GRHL2: variants seen among roughly 807,000 people sequenced by gnomAD.
GRHL2 encodes grainyhead-like protein 2 homolog.
A neutral mutation model predicts 83.8 loss-of-function variants in GRHL2; 21 were observed. The observed-to-expected ratio is 0.25, with a 90% CI of 0.18 to 0.36. The LOEUF is 0.36. GRHL2 is among the 10% of genes least tolerant of loss of function. The pLI is 1.00. For missense variants in GRHL2, 623 were observed against 781.8 expected (o/e 0.80, Z 2.42); for synonymous variants, 280 against 278.9 (o/e 1.00, Z -0.04).
chr8:101,655,287 C>T (rs1563629161), intron 14 of GRHL2, among the ~76,000 whole-genome samples: 1 of 152,136 alleles, frequency 6.6e-6, no homozygotes, highest in Non-Finnish European at 1.5e-5. Flanking sequence ...GACTGGGGAA[C>T]TTGACTGACT....
intron 7 of GRHL2, among the ~76,000 whole-genome samples, chr8:101,596,269 A>C (rs949139873): frequency 3.3e-5 from 5 of 152,190 alleles, no homozygotes; most frequent in Non-Finnish European, 7.4e-5. Context: ...CATGTTTTGC[A>C]TATCAATTTG....
chr8:101,671,129 G>C (rs1297609470), downstream of GRHL2, among the ~76,000 whole-genome samples: 2 of 152,188 alleles, frequency 1.3e-5, no homozygotes, highest in African/African-American at 4.8e-5. Context: ...ATTTCCATCT[G>C]AGGTACCGGG....
chr8:101,652,786 T>G (rs906872674), intron 14 of GRHL2, among the ~76,000 whole-genome samples: 1 of 152,142 alleles, frequency 6.6e-6, no homozygotes, highest in Non-Finnish European at 1.5e-5. Flanking sequence ...CTCGTGGGAT[T>G]GTTGTGAGAC....
intron 1 of GRHL2, among the ~76,000 whole-genome samples, chr8:101,523,493 G>A (rs760643270): frequency 6.7e-6 from 1 of 150,078 alleles, no homozygotes; most frequent in Non-Finnish European, 1.5e-5. Flanking sequence ...TTTTTTTTAA[G>A]GGGGGTGGGG....
chr8:101,514,341 A>T (rs1391582291), intron 1 of GRHL2, among the ~76,000 whole-genome samples: 1 of 152,166 alleles, frequency 6.6e-6, no homozygotes, highest in Non-Finnish European at 1.5e-5. Flanking sequence ...ATGCTCCAAG[A>T]AGCAGACACC....
At chr8:101,507,241 A>G (rs1810358915) in intron 1 of GRHL2, among the ~76,000 whole-genome samples, 1 of 20,728 alleles carries the variant, frequency 4.8e-5, no homozygotes, top group South Asian at 1.2e-3. Flanking sequence ...TAATTTCAAG[A>G]TTTAAAAATG....
At chr8:101,578,572 G>T (rs573747167) in intron 7 of GRHL2, among the ~76,000 whole-genome samples, 1 of 152,318 alleles carries the variant, frequency 6.6e-6, no homozygotes, top group East Asian at 1.9e-4. Context: ...AGTAATGTAT[G>T]TGTTTCCAAA....
chr8:101,585,258 C>G (rs1812140677), intron 7 of GRHL2, among the ~76,000 whole-genome samples: 1 of 152,286 alleles, frequency 6.6e-6, no homozygotes, highest in Admixed American at 6.5e-5. Context: ...TTGCTCTCTC[C>G]CTACAGTCTG....
At chr8:101,619,487 T>TG in intron 8 of GRHL2, 52 bp from the exon 9 acceptor site, 1 of 1,553,926 alleles carries the variant, frequency 6.4e-7, no homozygotes, top group Non-Finnish European at 8.9e-7. Flanking sequence ...ATGCGTTTAT[T>TG]GTACATTCTT....
At chr8:101,654,174 G>A (rs914798963) in intron 14 of GRHL2, among the ~76,000 whole-genome samples, 7 of 152,220 alleles carry the variant, frequency 4.6e-5, no homozygotes, top group African/African-American at 1.7e-4. Flanking sequence ...TCCAGGGCCA[G>A]CAGAATTCAC....
intron 1 of GRHL2, among the ~76,000 whole-genome samples, chr8:101,540,617 T>C (rs139814277): frequency 1.9e-3 from 296 of 152,222 alleles, no homozygotes; most frequent in African/African-American, 6.5e-3. Flanking sequence ...CCAATGTCAG[T>C]GTCTTTTTTT....
intron 10 of GRHL2, 143 bp downstream of exon 10, chr8:101,631,867 G>A (rs1210099353): frequency 2.7e-5 from 20 of 743,568 alleles, no homozygotes; most frequent in Non-Finnish European, 4.4e-5. Context: ...GTGGAGACAG[G>A]GTGATTGATT....
chr8:101,534,228 G>A (rs983506705), intron 1 of GRHL2, among the ~76,000 whole-genome samples: 4 of 152,080 alleles, frequency 2.6e-5, no homozygotes, highest in South Asian at 2.1e-4. Context: ...GTGAGGTTCC[G>A]GCTCAGGGTT....
At chr8:101,616,016 C>G (rs1226880405) in intron 8 of GRHL2, among the ~76,000 whole-genome samples, 1 of 151,738 alleles carries the variant, frequency 6.6e-6, no homozygotes, top group African/African-American at 2.4e-5. Context: ...TTTTTTCTTT[C>G]TTTCTTTCTA....
At chr8:101,647,025 T>C (rs1271687200) in intron 13 of GRHL2, among the ~76,000 whole-genome samples, 1 of 152,184 alleles carries the variant, frequency 6.6e-6, no homozygotes, top group East Asian at 1.9e-4. Flanking sequence ...AGCCATATCA[T>C]TTCAAAGACC....
intron 8 of GRHL2, among the ~76,000 whole-genome samples, chr8:101,600,184 G>A (rs1312804386): frequency 1.3e-5 from 2 of 152,212 alleles, no homozygotes. Context: ...GAACAGGCCT[G>A]AGAAAGGCGG....
intron 5 of GRHL2, among the ~76,000 whole-genome samples, chr8:101,571,809 G>T (rs1239303212): frequency 6.6e-6 from 1 of 152,136 alleles, no homozygotes; most frequent in Non-Finnish European, 1.5e-5. Flanking sequence ...GGAAGCGGGA[G>T]GCAAGGAAGA....
At chr8:101,520,399 T>C (rs1372474918) in intron 1 of GRHL2, among the ~76,000 whole-genome samples, 3 of 152,164 alleles carry the variant, frequency 2.0e-5, no homozygotes, top group Admixed American at 2.0e-4. Context: ...AGAAAAGGGC[T>C]ACAGAATCTT....
chr8:101,562,058 ACTACTTCC>A, intron 4 of GRHL2: 2 of 734,224 alleles, frequency 2.7e-6, no homozygotes, highest in South Asian at 2.7e-5. Flanking sequence ...TTCTCTTCCA[ACTACTTCC>A]CTTTGCCTGC....
Sources: gnomAD v4.1 joint callset for allele counts (sites outside exome capture counted in the v4.1 genomes callset) on GRCh38, gnomAD v4.1.1 for gene constraint, MANE v1.5 for transcripts, NCBI Gene and HGNC (gene_info 2026-07-23, HGNC 2026-07-21) for gene names.